The following DGKQ variants were observed in gnomAD, a reference collection of about 807,000 sequenced individuals.
The protein encoded by DGKQ is diacylglycerol kinase theta.
DGKQ carries 97 observed loss-of-function variants against 104.2 expected under a neutral mutation model. The ratio of observed to expected loss-of-function variants is 0.93; its 90% CI spans 0.79 to 1.10. DGKQ has a LOEUF of 1.10. Ranked by LOEUF, DGKQ falls within the 50% of genes least tolerant of loss-of-function variation. The pLI, the probability that DGKQ is intolerant of heterozygous loss-of-function variation, is 0.00. For missense variants in DGKQ, 1,465 were observed against 1,352.1 expected, an observed-to-expected ratio of 1.08 and a Z score of -1.31; for synonymous variants, 736 against 595.2, an observed-to-expected ratio of 1.24 and a Z score of -3.44.
Position 962,830 on chromosome 4 carries a change from C to A in DGKQ, c.1977G>T (p.Glu659Asp), listed in dbSNP as rs760552694. Reference protein sequence around the residue: ...TVGWVLGALEETRYRLACPEP... With the variant: ...TVGWVLGALEDTRYRLACPEP... ...CCGGGCAGGCCAGTCGGTACCGTGT[C>A]TCCTCCAGGGCGCCAAGCACCCAGC... The change falls in exon 17 of 23, where the codon GAG becomes GAT. Residue 659 changes from glutamate to aspartate, a missense_variant. Physicochemically the swap from Glu to Asp is conservative, Grantham distance 45 (BLOSUM62 2). Coordinates refer to ENST00000273814, the MANE Select transcript of DGKQ (RefSeq NM_001347.4). 49 of 1,606,490 alleles carry A rather than the reference C, an allele frequency of 3.1e-5. No homozygotes were observed. Among genetic ancestry groups the A allele is most frequent in the Non-Finnish European group, 6.8e-6 (8 of 1,177,488 alleles).
intron 22 of DGKQ, 66 bp downstream of exon 22, chr4:960,983 T>C: frequency 3.8e-6 from 6 of 1,587,112 alleles, no homozygotes; most frequent in Non-Finnish European, 5.1e-6. Context: ...TGGGTACCAC[T>C]GGCCACTCCC....
In DGKQ at chr4:967,613, GCGT is replaced by G; in HGVS notation, c.920_922del (p.Asp307del). Reference sequence around the variant, plus strand: ...GAGGCGGAACTGGCTTCTTCTCACCGCGTCGTCGCCATCAAAGATCTTCAGCGT... The same window carrying G: ...GAGGCGGAACTGGCTTCTTCTCACCGCGTCGCCATCAAAGATCTTCAGCGT... On this transcript the variant is annotated inframe_deletion, in exon 8 of 23. Transcript: ENST00000273814. 6.2e-7 allele frequency: 1 copy of G among 1,612,668 alleles called. No homozygotes were observed. The highest frequency in any genetic ancestry group is 8.5e-7 in the Non-Finnish European group (1 of 1,179,892).
intron 4 of DGKQ, 36 bp from the exon 5 acceptor site, chr4:968,443 C>A (rs763763682): frequency 6.3e-7 from 1 of 1,592,130 alleles, no homozygotes; most frequent in Non-Finnish European, 8.5e-7. Flanking sequence ...TGGGCCCGCC[C>A]CACCCCCCAG....
chr4:960,795 C>A, intron 22 of DGKQ, 74 bp from the exon 23 acceptor site: 1 of 1,565,442 alleles, frequency 6.4e-7, no homozygotes, highest in South Asian at 1.1e-5. Context: ...AGCCCCCGGT[C>A]CTGGGGCCCC....
At position 968,304 on chromosome 4, in the gene DGKQ, C is replaced by G. The variant is rs909743257; in HGVS notation, c.641G>C (p.Arg214Pro). 2 of 1,525,334 alleles carry G rather than the reference C, an allele frequency of 1.3e-6. No homozygotes were observed. Among genetic ancestry groups the G allele is most frequent in the Non-Finnish European group, 1.8e-6 (2 of 1,142,482 alleles). The allele number at this position is 1,525,334 out of a possible 1,614,324, so 94.5% of individuals were successfully genotyped here. A position where few individuals can be genotyped will look rare whatever the true frequency, so the allele number is the denominator to read the frequency against. ...CGSSDVLAGV[R>P]CEWCGVQAHS... is the part of the protein sequence containing the mutation. ...CACCTGGACCCCGCACCACTCGCAG[C>G]GCACGCCGGCCAGCACGTCAGAGGA... is the stretch of plus-strand genomic sequence containing the variant. Residue 214 changes from arginine to proline, a missense_variant, in exon 5 of 23, where the codon CGC (arginine) becomes CCC (proline). Arg to Pro is a moderately radical substitution (Grantham distance 103). Coordinates refer to ENST00000273814, the MANE Select transcript of DGKQ (RefSeq NM_001347.4).
rs752484494 is a variant in DGKQ at position 968,359 on chromosome 4, G to A, written c.586C>T (p.Arg196Cys). 1 of 1,547,948 alleles carries A rather than the reference G, an allele frequency of 6.5e-7. No homozygotes were observed. The highest frequency in any genetic ancestry group is 1.2e-5 in the South Asian group (1 of 84,370). Residue 196 changes from arginine (R) to cysteine (C), a missense_variant, in exon 5 of 23, where the codon CGC becomes TGC. By Grantham distance (180) the Arg-to-Cys change is radical. Transcript: ENST00000273814. ...WREGNLPSGARCEVCRKTCGS... is the reference protein window; with the variant it reads ...WREGNLPSGACCEVCRKTCGS... Reference sequence around the variant, plus strand: ...CACGTCTTCCTGCAGACCTCGCAGCGCGCTCCCGAGGGCAGGTTCCCCTCC... The same window carrying A: ...CACGTCTTCCTGCAGACCTCGCAGCACGCTCCCGAGGGCAGGTTCCCCTCC...
At chr4:972,282 G>A (rs929882490) in intron 1 of DGKQ, among the ~76,000 whole-genome samples, 2 of 152,152 alleles carry the variant, frequency 1.3e-5, no homozygotes, top group Non-Finnish European at 2.9e-5. Flanking sequence ...CCAGGCAGCA[G>A]GCATGGCTGT....
At chr4:966,942 G>A (rs771945068) in intron 10 of DGKQ, 22 bp downstream of exon 10, 9 of 1,553,652 alleles carry the variant, frequency 5.8e-6, no homozygotes, top group African/African-American at 4.1e-5. Flanking sequence ...GCCGGCATGG[G>A]GAGCAGGCAC....
chr4:963,092 T>C lies in DGKQ; in HGVS notation c.1886+47A>G, dbSNP rs1242153474. The C allele has an allele frequency of 3.2e-6, 5 of 1,552,438 alleles. No homozygotes were observed. In the South Asian group the frequency reaches 3.6e-5, roughly 11 times the overall value. On this transcript the variant is annotated intron_variant, in intron 16 of 22. Coordinates refer to ENST00000273814, the MANE Select transcript of DGKQ (RefSeq NM_001347.4). ...CAGCTGTGGCAGCCTCCTGGGGCCC[T>C]TCCCGCCCCTGCTGCTGCCCTGGAC...
At chr4:965,118 G>A (rs200004083) in intron 15 of DGKQ, 58 bp downstream of exon 15, 14 of 1,449,420 alleles carry the variant, frequency 9.7e-6, no homozygotes, top group Middle Eastern at 1.7e-4. Flanking sequence ...TGCAGACCCC[G>A]ACCTCCCTCT....
chr4:973,544 C>T lies in DGKQ; in HGVS notation c.-62G>A, dbSNP rs2153012220. ...GCCGGGGGTACAGGAGCCGCCGCTC[C>T]ACGGCCCGGTACACTGCTTCCGACT... is the stretch of plus-strand genomic sequence containing the variant. On this transcript the variant is annotated 5_prime_UTR_variant, in exon 1 of 23. Coordinates refer to ENST00000273814, the MANE Select transcript of DGKQ (RefSeq NM_001347.4). The T allele has an allele frequency of 2.0e-6, 2 of 982,652 alleles. No individual in the cohort carries two copies. Among genetic ancestry groups the T allele is most frequent in the Non-Finnish European group, 2.4e-6 (2 of 827,650 alleles). The allele number at this position is 982,652 out of a possible 1,614,324, so 60.9% of individuals were successfully genotyped here.
At position 968,423 on chromosome 4, in the gene DGKQ, A is replaced by T; in HGVS notation, c.538-16T>A. 6.3e-7 allele frequency: 1 copy of T among 1,584,848 alleles called. No homozygotes were observed. Among genetic ancestry groups the T allele is most frequent in the Non-Finnish European group, 8.6e-7 (1 of 1,166,742 alleles). The stretch of plus-strand genomic sequence containing the variant: ...GATGGGTGTCCTGCAGAGCGGGGGC[A>T]GTCAGCAGCTGGGCCCGCCCCACCC... On this transcript the variant is annotated splice_polypyrimidine_tract_variant and intron_variant, in intron 4 of 22. Coordinates refer to ENST00000273814, the MANE Select transcript of DGKQ (RefSeq NM_001347.4).
chr4:964,986 G>A (rs930459444), intron 15 of DGKQ, among the ~76,000 whole-genome samples, 190 bp downstream of exon 15: 1 of 152,136 alleles, frequency 6.6e-6, no homozygotes, highest in African/African-American at 2.4e-5. Context: ...GCTGTAAAAC[G>A]GGCAACAGAG....
intron 9 of DGKQ, 37 bp downstream of exon 9, chr4:967,092 C>T (rs1189833185): frequency 2.6e-6 from 4 of 1,546,714 alleles, no homozygotes; most frequent in Non-Finnish European, 3.5e-6. Flanking sequence ...TCCCCCCACC[C>T]CGCCCAGCAG....
At chr4:972,578 T>G (rs1713018745) in intron 1 of DGKQ, among the ~76,000 whole-genome samples, 1 of 150,432 alleles carries the variant, frequency 6.6e-6, no homozygotes, top group South Asian at 2.6e-4. Context: ...GGTCCCCCTG[T>G]CCCTCGCTCC....
intron 22 of DGKQ, 126 bp from the exon 23 acceptor site, chr4:960,847 G>A (rs532303644): frequency 6.7e-7 from 1 of 1,488,906 alleles, no homozygotes; most frequent in African/African-American, 1.4e-5. Context: ...CGGAAGGGGA[G>A]GGACCTGTCT....
At position 962,752 on chromosome 4, in the gene DGKQ, G is replaced by C; in HGVS notation, c.2035+20C>G. 6.2e-7 allele frequency: 1 copy of C among 1,600,438 alleles called. No individual in the cohort carries two copies. The highest frequency in any genetic ancestry group is 1.1e-5 in the South Asian group (1 of 89,380). On this transcript the variant is annotated intron_variant, in intron 17 of 22. Transcript: ENST00000273814. The stretch of plus-strand genomic sequence containing the variant: ...GGGTAGACCCTGAGGCCCCCTCCTC[G>C]GCTGCACGGCTGAGCCCACCTGTGC...
Position 962,835 on chromosome 4 carries a change from C to T in DGKQ, c.1972G>A (p.Glu658Lys). The T allele has an allele frequency of 6.2e-7, 1 of 1,606,376 alleles. No individual in the cohort carries two copies. Among genetic ancestry groups the T allele is most frequent in the South Asian group, 1.1e-5 (1 of 89,686 alleles). The part of the protein sequence containing the change: ...GTVGWVLGAL[E>K]ETRYRLACPE... ...CAGGCCAGTCGGTACCGTGTCTCCT[C>T]CAGGGCGCCAAGCACCCAGCCCACA... The change falls in exon 17 of 23, where the codon GAG becomes AAG. Residue 658 changes from glutamate (E) to lysine (K), a missense_variant. Coordinates refer to ENST00000273814, the MANE Select transcript of DGKQ (RefSeq NM_001347.4).
At chr4:965,705 C>A (rs1177475230) in intron 13 of DGKQ, among the ~76,000 whole-genome samples, 176 bp from the exon 14 acceptor site, 2 of 152,192 alleles carry the variant, frequency 1.3e-5, no homozygotes, top group Admixed American at 1.3e-4. Context: ...GGTACAGGAC[C>A]CCCCAGAGGG....
Sources: allele counts gnomAD v4.1 joint callset (sites outside exome capture counted in the v4.1 genomes callset), GRCh38; gene constraint gnomAD v4.1.1; transcripts MANE v1.5; gene names NCBI Gene and HGNC (gene_info 2026-07-23, HGNC 2026-07-21).